FYTTD1: variants seen among roughly 807,000 people sequenced by gnomAD.
FYTTD1 encodes forty-two-three domain containing 1.
In FYTTD1, 22 loss-of-function variants were observed where a neutral mutation model predicts 40.9. That is an observed-to-expected ratio of 0.54 (90% CI 0.38 to 0.77). The LOEUF (loss-of-function observed/expected upper bound fraction) is 0.77, where lower values mean the gene tolerates loss of function less well. FYTTD1 is among the 30% of genes least tolerant of loss of function. The pLI is 0.00. For synonymous variants in FYTTD1, 140 were observed against 137.9 expected, an observed-to-expected ratio of 1.01 and a Z score of -0.10; for missense variants, 351 against 392.2, an observed-to-expected ratio of 0.90 and a Z score of 0.89.
intron 5 of FYTTD1, 67 bp from the exon 6 acceptor site, chr3:197,774,082 C>T (rs1448072248): frequency 7.5e-7 from 1 of 1,329,342 alleles, no homozygotes; most frequent in Non-Finnish European, 1.1e-6. Flanking sequence ...AGTTCCAGAG[C>T]AGGATCGCTC....
intron 6 of FYTTD1, among the ~76,000 whole-genome samples, chr3:197,774,480 C>T (rs1580465338): frequency 6.6e-6 from 1 of 152,100 alleles, no homozygotes; most frequent in Non-Finnish European, 1.5e-5. Flanking sequence ...AGCAGCATAG[C>T]TCGATGCCAC....
At chr3:197,761,140 T>C (rs1160233806) in intron 2 of FYTTD1, among the ~76,000 whole-genome samples, 1 of 151,714 alleles carries the variant, frequency 6.6e-6, no homozygotes, top group Non-Finnish European at 1.5e-5. Flanking sequence ...GTAGAATGTA[T>C]AGAGTTGTTC....
chr3:197,786,971 GT>G lies in FYTTD1; in HGVS notation c.*5063del. 6.6e-6 allele frequency: 1 copy of G among 152,084 alleles called. No homozygotes were observed. Among genetic ancestry groups the G allele is most frequent in the South Asian group, 2.1e-4 (1 of 4,814 alleles). 9.4% of individuals were successfully genotyped at this position (152,084 alleles called of 1,614,324 possible). A position where few individuals can be genotyped will look rare whatever the true frequency, so the allele number is the denominator to read the frequency against. On this transcript the variant is annotated 3_prime_UTR_variant, in exon 9 of 9. Coordinates refer to ENST00000241502, the MANE Select transcript of FYTTD1 (RefSeq NM_032288.7). Reference sequence around the variant, plus strand: ...GAGCCACCACAGCCAACTAATTTTTGTGTTTTTAGTAGAAATGAGTTTTCAC... The same window carrying G: ...GAGCCACCACAGCCAACTAATTTTTGGTTTTTAGTAGAAATGAGTTTTCAC...
rs575000836 is a variant in FYTTD1, at chr3:197,759,309, T to C, written c.235+2752T>C. ...TATAGAGTGTTCTTCAGTGGTAGAATGTATAGAATTGTTCTTCAGTGGTAG... is the reference window on the plus strand; with the variant it reads ...TATAGAGTGTTCTTCAGTGGTAGAACGTATAGAATTGTTCTTCAGTGGTAG... On this transcript the variant is annotated intron_variant, in intron 2 of 8. Coordinates refer to ENST00000241502, the MANE Select transcript of FYTTD1 (RefSeq NM_032288.7). 4.2e-4 allele frequency among the ~76,000 whole-genome samples: 64 copies of C among 151,046 alleles called. 1 individual carries two copies. The Middle Eastern group carries it at 0.011, about 25-fold the overall frequency.
At chr3:197,752,100 T>A (rs1729076546) in intron 1 of FYTTD1, among the ~76,000 whole-genome samples, 1 of 152,212 alleles carries the variant, frequency 6.6e-6, no homozygotes, top group African/African-American at 2.4e-5. Context: ...GGTCTCGAAC[T>A]CCTGACCTCA....
intron 1 of FYTTD1, among the ~76,000 whole-genome samples, chr3:197,751,666 A>C (rs1729059554): frequency 6.8e-6 from 1 of 146,844 alleles, no homozygotes; most frequent in Admixed American, 6.7e-5. Context: ...AAGAGAGAGA[A>C]ACCTTTTGAG....
At chr3:197,757,893 C>T (rs936282682) in intron 2 of FYTTD1, among the ~76,000 whole-genome samples, 11 of 152,090 alleles carry the variant, frequency 7.2e-5, no homozygotes, top group Non-Finnish European at 1.3e-4. Context: ...AAGTTTAGTT[C>T]CAGTGATTTA....
chr3:197,781,956 T>A lies in FYTTD1; in HGVS notation c.*47T>A. The A allele has an allele frequency of 8.6e-7, 1 of 1,161,102 alleles. No individual in the cohort carries two copies. The highest frequency in any genetic ancestry group is 1.2e-6 in the Non-Finnish European group (1 of 813,144). The allele number at this position is 1,161,102 out of a possible 1,614,324, so 71.9% of individuals were successfully genotyped here. On this transcript the variant is annotated 3_prime_UTR_variant, in exon 9 of 9. Coordinates refer to ENST00000241502, the MANE Select transcript of FYTTD1 (RefSeq NM_032288.7). ...TGAGTGATGACTCTGAGAAGTTGAATTGCTTGAAGAGTTCATCACGGAAAT... is the reference window on the plus strand; with the variant it reads ...TGAGTGATGACTCTGAGAAGTTGAAATGCTTGAAGAGTTCATCACGGAAAT...
chr3:197,778,195 G>C (rs558731367), intron 7 of FYTTD1, 143 bp from the exon 8 acceptor site: 1 of 530,060 alleles, frequency 1.9e-6, no homozygotes, highest in African/African-American at 2.0e-5. Flanking sequence ...GTCTAGAGTA[G>C]CCAGTGAAAC....
chr3:197,774,642 C>T (rs993687255), intron 6 of FYTTD1, among the ~76,000 whole-genome samples: 54 of 151,654 alleles, frequency 3.6e-4, no homozygotes, highest in Middle Eastern at 3.4e-3. Context: ...CAGTGCACAC[C>T]ATCCTGAGCA....
chr3:197,757,391 T>C (rs1279832781), intron 2 of FYTTD1, among the ~76,000 whole-genome samples: 1 of 152,260 alleles, frequency 6.6e-6, no homozygotes, highest in East Asian at 1.9e-4. Flanking sequence ...AACTTCCAAA[T>C]TGATTTTTAT....
intron 1 of FYTTD1, among the ~76,000 whole-genome samples, chr3:197,754,670 T>TC (rs1330333559): frequency 1.0e-4 from 15 of 150,238 alleles, no homozygotes; most frequent in South Asian, 8.4e-4. Flanking sequence ...TTTCTTTCTT[T>TC]TTTTTTTTTT....
intron 3 of FYTTD1, among the ~76,000 whole-genome samples, chr3:197,769,328 C>T (rs1044662793): frequency 4.6e-5 from 7 of 152,236 alleles, no homozygotes; most frequent in African/African-American, 1.7e-4. Flanking sequence ...CCTCATGATC[C>T]ATCCGCCTCA....
chr3:197,757,100 C>T (rs1342305189), intron 2 of FYTTD1, among the ~76,000 whole-genome samples: 1 of 152,228 alleles, frequency 6.6e-6, no homozygotes, highest in African/African-American at 2.4e-5. Context: ...GACCTCCAGA[C>T]TCCTTATCTT....
chr3:197,778,497 A>G, intron 8 of FYTTD1, 33 bp downstream of exon 8: 1 of 1,482,640 alleles, frequency 6.7e-7, no homozygotes, highest in Non-Finnish European at 9.3e-7. Flanking sequence ...TTCTTGGGTC[A>G]TTTGCTGAGT....
At chr3:197,768,706 T>C (rs1468148109) in intron 3 of FYTTD1, 119 bp downstream of exon 3, 3 of 690,706 alleles carry the variant, frequency 4.3e-6, no homozygotes, top group South Asian at 3.8e-5. Flanking sequence ...GGGACTGATA[T>C]AAAAAAATTT....
intron 4 of FYTTD1, among the ~76,000 whole-genome samples, chr3:197,770,489 C>T (rs962662843): frequency 2.6e-5 from 4 of 152,208 alleles, no homozygotes; most frequent in African/African-American, 7.2e-5. Flanking sequence ...TTCTTTACCT[C>T]TTTGACATAT....
chr3:197,750,217 G>C (rs970246936), intron 1 of FYTTD1, 143 bp downstream of exon 1: 2 of 833,882 alleles, frequency 2.4e-6, no homozygotes, highest in Non-Finnish European at 3.4e-6. Context: ...CGGAGGCCCG[G>C]AGGACAGCCG....
At chr3:197,766,129 C>G (rs2109045043) in intron 2 of FYTTD1, among the ~76,000 whole-genome samples, 1 of 150,390 alleles carries the variant, frequency 6.6e-6, no homozygotes, top group South Asian at 2.1e-4. Context: ...TGCCATTGCA[C>G]TCCAGCCTGG....
Sources: gnomAD v4.1 joint callset for allele counts (sites outside exome capture counted in the v4.1 genomes callset) on GRCh38, gnomAD v4.1.1 for gene constraint, MANE v1.5 for transcripts, NCBI Gene and HGNC (gene_info 2026-07-23, HGNC 2026-07-21) for gene names.